WASHC4: variants seen among roughly 807,000 people sequenced by gnomAD.
WASHC4 encodes the protein WASH complex subunit 7.
Under a neutral mutation model 166.6 loss-of-function variants are expected in WASHC4, and 86 were observed. The ratio of observed to expected loss-of-function variants is 0.52; its 90% CI spans 0.43 to 0.62. The LOEUF is 0.62. Ranked by LOEUF, WASHC4 falls within the 20% of genes least tolerant of loss-of-function variation. The pLI is 0.00. For missense variants in WASHC4, 1,262 were observed against 1,382.4 expected, an observed-to-expected ratio of 0.91 and a Z score of 1.38; for synonymous variants, 446 against 451.6, an observed-to-expected ratio of 0.99 and a Z score of 0.16.
At chr12:105,143,351 T>G (rs1448483193) in intron 20 of WASHC4, 108 bp downstream of exon 20, 7 of 690,082 alleles carry the variant, frequency 1.0e-5, no homozygotes, top group Admixed American at 2.1e-5. Flanking sequence ...TATTTATAAA[T>G]TGCTGGGTAG....
chr12:105,130,887 A>G (rs1055720682), intron 13 of WASHC4, among the ~76,000 whole-genome samples: 7 of 152,172 alleles, frequency 4.6e-5, no homozygotes, highest in African/African-American at 1.7e-4. Flanking sequence ...ATGTTGACAT[A>G]TAGGCGTTGA....
At chr12:105,147,243 T>G (rs1195446546) in intron 24 of WASHC4, 97 bp downstream of exon 24, 2 of 748,684 alleles carry the variant, frequency 2.7e-6, no homozygotes, top group Admixed American at 2.1e-5. Flanking sequence ...CATACACTAC[T>G]AGTTTATATT....
intron 13 of WASHC4, among the ~76,000 whole-genome samples, chr12:105,130,516 T>C (rs10861354): frequency 0.2 from 29,748 of 152,202 alleles, 4,276 homozygotes; most frequent in African/African-American, 0.41. Flanking sequence ...TTCAGTCTCT[T>C]AGCAGTTATG....
At chr12:105,154,134 G>T (rs1041781581) in intron 26 of WASHC4, among the ~76,000 whole-genome samples, 1 of 151,430 alleles carries the variant, frequency 6.6e-6, no homozygotes, top group South Asian at 2.1e-4. Context: ...AGGTTCAAGC[G>T]ATTCTCCCGC....
Position 105,126,127 on chromosome 12 carries a change from G to A in WASHC4, c.910G>A (p.Gly304Arg). 6.2e-7 allele frequency: 1 copy of A among 1,612,802 alleles called. No homozygotes were observed. The highest frequency in any genetic ancestry group is 1.3e-5 in the African/African-American group (1 of 74,994). Residue 304 changes from glycine to arginine, a missense_variant and splice_region_variant, in exon 11 of 33, where the codon GGA becomes AGA. Transcript: ENST00000332180. ...SIFANVEAKL[G>R]EPSEIDQRDK... ...TTTTGCAAATGTAGAAGCCAAACTT[G>A]GTAATGTAAATCGCATTTTTTGGTT...
intron 12 of WASHC4, among the ~76,000 whole-genome samples, chr12:105,126,718 C>A (rs1881319596): frequency 6.6e-6 from 1 of 151,882 alleles, no homozygotes; most frequent in Non-Finnish European, 1.5e-5. Flanking sequence ...AATGTGGTAT[C>A]TGATTTCAAA....
In WASHC4 at chr12:105,111,220, A is replaced by C; in HGVS notation, c.157A>C (p.Ile53Leu). ...AATTGAGGACGCTCTGGATGACTCA[A>C]TTGGAGATGTTTGGGATTTCAATCT... ...RRIEDALDDS[I>L]GDVWDFNLDP... Residue 53 changes from isoleucine (I) to leucine (L), a missense_variant, in exon 2 of 33, where the codon ATT (isoleucine) becomes CTT (leucine). By Grantham distance (5) the Ile-to-Leu change is conservative (BLOSUM62 2). Transcript: ENST00000332180. 1 of 1,610,976 alleles carries C rather than the reference A, an allele frequency of 6.2e-7. No homozygotes were observed. The highest frequency in any genetic ancestry group is 1.1e-5 in the South Asian group (1 of 91,010).
In WASHC4 at chr12:105,141,046, G is replaced by GTA. The variant is rs1184602053; in HGVS notation, c.1707+2_1707+3dup. The stretch of plus-strand genomic sequence containing the variant: ...GGCACTAAGTGTTGGCACACAAATG[G>GTA]TAAGTGTATTGCTATTACTTATGGA... On this transcript the variant is annotated splice_donor_variant, in intron 17 of 32. Coordinates refer to ENST00000332180, the MANE Select transcript of WASHC4 (RefSeq NM_015275.3). LOFTEE classifies it high-confidence loss of function. The GTA allele has an allele frequency of 6.2e-7, 1 of 1,613,956 alleles. No individual in the cohort carries two copies.
intron 13 of WASHC4, among the ~76,000 whole-genome samples, chr12:105,130,058 G>A (rs1881658347): frequency 6.6e-6 from 1 of 152,198 alleles, no homozygotes; most frequent in Non-Finnish European, 1.5e-5. Context: ...TTGCCATTTT[G>A]TAGATGAGAA....
At chr12:105,140,047 T>C (rs1882690886) in intron 15 of WASHC4, among the ~76,000 whole-genome samples, 2 of 151,862 alleles carry the variant, frequency 1.3e-5, no homozygotes, top group Non-Finnish European at 2.9e-5. Context: ...AATTTTTGTA[T>C]TTTTTAGTAG....
intron 4 of WASHC4, among the ~76,000 whole-genome samples, chr12:105,114,785 A>AT (rs1007480868): frequency 5.3e-5 from 8 of 151,574 alleles, no homozygotes; most frequent in South Asian, 2.1e-4. Flanking sequence ...GAGAAAACTG[A>AT]TTTTTTTTTC....
At chr12:105,144,551 GTGT>G in intron 21 of WASHC4, 96 bp downstream of exon 21, 3 of 1,218,360 alleles carry the variant, frequency 2.5e-6, no homozygotes, top group Non-Finnish European at 3.5e-6. Flanking sequence ...TTTAAATTTT[GTGT>G]TGTTATTCTT....
chr12:105,121,595 C>G (rs941024604), intron 9 of WASHC4, among the ~76,000 whole-genome samples: 1 of 152,168 alleles, frequency 6.6e-6, no homozygotes, highest in African/African-American at 2.4e-5. Flanking sequence ...GCAACTTCTG[C>G]CTCCTGGGTT....
chr12:105,123,110 TCAAGAC>T (rs1287474874), intron 10 of WASHC4, among the ~76,000 whole-genome samples: 1 of 152,126 alleles, frequency 6.6e-6, no homozygotes, highest in Non-Finnish European at 1.5e-5. Flanking sequence ...GGTCAGGAGT[TCAAGAC>T]CAGCCTGGCC....
chr12:105,124,339 G>A (rs1315378015), intron 10 of WASHC4, among the ~76,000 whole-genome samples: 2 of 151,906 alleles, frequency 1.3e-5, no homozygotes, highest in East Asian at 3.9e-4. Flanking sequence ...GGCTGGTCTT[G>A]AACTCCCGAC....
chr12:105,147,614 G>C, intron 24 of WASHC4: 1 of 1,003,352 alleles, frequency 1.0e-6, no homozygotes, highest in Non-Finnish European at 1.2e-6. Context: ...TCTTAGAAAT[G>C]GGCATTCACC....
Position 105,107,780 on chromosome 12 carries a change from T to A in WASHC4, c.-21T>A, listed in dbSNP as rs1173027441. The A allele has an allele frequency of 6.5e-7, 1 of 1,546,188 alleles. No homozygotes were observed. The highest frequency in any genetic ancestry group is 2.4e-5 in the East Asian group (1 of 40,860). On this transcript the variant is annotated 5_prime_UTR_variant, in exon 1 of 33. Coordinates refer to ENST00000332180, the MANE Select transcript of WASHC4 (RefSeq NM_015275.3). ...GCCGCACGGGCTGGTTGGGGCTGTGTCTGTGGGAGGCGCCGGGGTGATGGC... is the reference window on the plus strand; with the variant it reads ...GCCGCACGGGCTGGTTGGGGCTGTGACTGTGGGAGGCGCCGGGGTGATGGC...
At chr12:105,133,732 T>A in intron 13 of WASHC4, 38 bp from the exon 14 acceptor site, 1 of 1,590,282 alleles carries the variant, frequency 6.3e-7, no homozygotes, top group African/African-American at 1.3e-5. Flanking sequence ...GGAAGTAAAT[T>A]TTCTTTGCTG....
chr12:105,118,736 A>G (rs904855038), intron 7 of WASHC4, among the ~76,000 whole-genome samples: 3 of 152,214 alleles, frequency 2.0e-5, no homozygotes, highest in Admixed American at 1.3e-4. Context: ...TCTGAATGAC[A>G]GTGTCTACAG....
Sources: allele counts gnomAD v4.1 joint callset (sites outside exome capture counted in the v4.1 genomes callset), GRCh38; gene constraint gnomAD v4.1.1; transcripts MANE v1.5; gene names NCBI Gene and HGNC (gene_info 2026-07-23, HGNC 2026-07-21).